The following SMCHD1 variants were observed in gnomAD, a reference collection of about 807,000 sequenced individuals.
SMCHD1 encodes the protein structural maintenance of chromosomes flexible hinge domain-containing protein 1.
SMCHD1 carries 78 observed loss-of-function variants against 254.7 expected under a neutral mutation model. The observed-to-expected ratio is 0.31, with a 90% CI of 0.26 to 0.37. The LOEUF (loss-of-function observed/expected upper bound fraction) is 0.37, where lower values mean the gene tolerates loss of function less well. SMCHD1 is among the 10% of genes least tolerant of loss of function. SMCHD1 has a pLI of 1.00. For missense variants in SMCHD1, 1,840 were observed against 2,408.1 expected, an observed-to-expected ratio of 0.76 and a Z score of 4.94; for synonymous variants, 766 against 794.9, an observed-to-expected ratio of 0.96 and a Z score of 0.61.
chr18:2,708,915 T>TATATATATATATAC (rs1568199419), intron 17 of SMCHD1, among the ~76,000 whole-genome samples: 2 of 90,454 alleles, frequency 2.2e-5, no homozygotes, highest in African/African-American at 4.2e-5. Flanking sequence ...TATAACATAT[T>TATATATATATATAC]AACATGAAAT....
Position 2,743,938 on chromosome 18 carries a change from T to C in SMCHD1, c.3801+10T>C. 1 of 1,580,304 alleles carries C rather than the reference T, an allele frequency of 6.3e-7. No individual in the cohort carries two copies. The highest frequency in any genetic ancestry group is 2.2e-5 in the East Asian group (1 of 44,474). On this transcript the variant is annotated intron_variant, in intron 29 of 47. Coordinates refer to ENST00000320876, the MANE Select transcript of SMCHD1 (RefSeq NM_015295.3). ...GCCAGAACTAAAGGAGGTAAGTCAC[T>C]TCATGTCTTCACTGAAAGAATTTAA...
Position 2,784,928 on chromosome 18 carries a change from G to A in SMCHD1, c.5719+307G>A, listed in dbSNP as rs72866583. Reference sequence around the variant, plus strand: ...GGAGTTTGAGGTCAGCCTGGGCAACGTAGCAAGACTCCATCTCTTAAAAAA... The same window carrying A: ...GGAGTTTGAGGTCAGCCTGGGCAACATAGCAAGACTCCATCTCTTAAAAAA... On this transcript the variant is annotated intron_variant, in intron 45 of 47. Coordinates refer to ENST00000320876, the MANE Select transcript of SMCHD1 (RefSeq NM_015295.3). The A allele has an allele frequency of 0.21, 90,787 of 423,026 alleles. 10,536 individuals carry two copies. The highest frequency in any genetic ancestry group is 0.29 in the Admixed American group (8,601 of 29,866). The allele number at this position is 423,026 out of a possible 1,614,324, so 26.2% of individuals were successfully genotyped here.
At chr18:2,786,586 C>T (rs1057391484) in intron 45 of SMCHD1, among the ~76,000 whole-genome samples, 1 of 152,046 alleles carries the variant, frequency 6.6e-6, no homozygotes, top group East Asian at 2.0e-4. Flanking sequence ...CAGCTACTCA[C>T]GAAGCTCAGG....
chr18:2,778,338 C>A, intron 44 of SMCHD1, 99 bp downstream of exon 44: 1 of 794,238 alleles, frequency 1.3e-6, no homozygotes, highest in Non-Finnish European at 1.9e-6. Context: ...TTTTCAAAAC[C>A]AATTTAAATT....
chr18:2,737,204 G>A (rs909228003), intron 25 of SMCHD1, among the ~76,000 whole-genome samples: 5 of 152,060 alleles, frequency 3.3e-5, no homozygotes, highest in African/African-American at 1.2e-4. Flanking sequence ...TATAGGAAAA[G>A]TAGTCACTGG....
intron 7 of SMCHD1, among the ~76,000 whole-genome samples, chr18:2,691,310 C>T (rs1238195644): frequency 6.6e-6 from 1 of 152,116 alleles, no homozygotes; most frequent in African/African-American, 2.4e-5. Context: ...ATTTTTCTGC[C>T]AGCCTTTTCT....
At chr18:2,784,749 A>G (rs771602589) in intron 45 of SMCHD1, 128 bp downstream of exon 45, 63 of 1,097,272 alleles carry the variant, frequency 5.7e-5, no homozygotes, top group Non-Finnish European at 8.1e-5. Context: ...TGTAAGTAAG[A>G]TGTTTTTGTC....
chr18:2,774,218 A>T (rs2076029725), intron 41 of SMCHD1, among the ~76,000 whole-genome samples: 1 of 152,274 alleles, frequency 6.6e-6, no homozygotes, highest in East Asian at 1.9e-4. Flanking sequence ...TTTACAAAAC[A>T]CATCTAAATG....
At chr18:2,787,258 C>T (rs1598447615) in intron 45 of SMCHD1, among the ~76,000 whole-genome samples, 1 of 152,166 alleles carries the variant, frequency 6.6e-6, no homozygotes, top group South Asian at 2.1e-4. Context: ...AATTCACTCA[C>T]TCCCAAGGGA....
At chr18:2,690,847 C>T (rs1481943202) in intron 7 of SMCHD1, among the ~76,000 whole-genome samples, 2 of 151,526 alleles carry the variant, frequency 1.3e-5, no homozygotes, top group Non-Finnish European at 2.9e-5. Flanking sequence ...AAAGGTTAAA[C>T]CCAAAGTCAC....
At chr18:2,678,476 C>A (rs2073826725) in intron 5 of SMCHD1, among the ~76,000 whole-genome samples, 1 of 151,920 alleles carries the variant, frequency 6.6e-6, no homozygotes, top group African/African-American at 2.4e-5. Flanking sequence ...GCCACTACTC[C>A]CGGCTTATTT....
intron 1 of SMCHD1, among the ~76,000 whole-genome samples, chr18:2,662,152 C>T (rs1280727080): frequency 1.7e-5 from 2 of 120,662 alleles, no homozygotes; most frequent in Non-Finnish European, 3.3e-5. Context: ...GGCGACAGAG[C>T]GAGACTCCGT....
chr18:2,701,610 G>T (rs1273030318), intron 12 of SMCHD1, among the ~76,000 whole-genome samples: 1 of 152,126 alleles, frequency 6.6e-6, no homozygotes, highest in Non-Finnish European at 1.5e-5. Context: ...GGGTAAAAAT[G>T]GGGTAAAACT....
chr18:2,756,154 TGTG>T (rs2075674037), intron 34 of SMCHD1, among the ~76,000 whole-genome samples: 2 of 152,254 alleles, frequency 1.3e-5, no homozygotes, highest in African/African-American at 2.4e-5. Context: ...TACTTTTTAA[TGTG>T]GTAATTATAG....
At chr18:2,700,945 A>T (rs1406765140) in intron 12 of SMCHD1, 27 bp downstream of exon 12, 1 of 1,443,650 alleles carries the variant, frequency 6.9e-7, no homozygotes, top group African/African-American at 1.4e-5. Flanking sequence ...TAAAGTTGTG[A>T]ATATTTGCAA....
intron 1 of SMCHD1, among the ~76,000 whole-genome samples, chr18:2,657,557 A>G (rs2073108909): frequency 6.6e-6 from 1 of 152,254 alleles, no homozygotes. Flanking sequence ...GGGGGAAACA[A>G]GTAAATCTTT....
chr18:2,706,693 A>C lies in SMCHD1; in HGVS notation c.2063+223A>C, dbSNP rs967787240. On this transcript the variant is annotated intron_variant, in intron 15 of 47. Transcript: ENST00000320876. ...CAAAGAAGGAAATCTTATATATCTA[A>C]AGTGTCACTTTTATAGGCACTATGA... The C allele has an allele frequency of 1.8e-5, 7 of 391,670 alleles. 1 individual carries two copies. The highest frequency in any genetic ancestry group is 1.2e-4 in the African/African-American group (6 of 48,430). 24.3% of individuals were successfully genotyped at this position (391,670 alleles called of 1,614,324 possible). A position where few individuals can be genotyped will look rare whatever the true frequency, so the allele number is the denominator to read the frequency against.
At chr18:2,721,798 A>G (rs889181748) in intron 19 of SMCHD1, among the ~76,000 whole-genome samples, 1 of 152,214 alleles carries the variant, frequency 6.6e-6, no homozygotes. Context: ...TTGTATGCCA[A>G]TGCTTGTTCA....
At chr18:2,725,029 T>A (rs750950604) in intron 21 of SMCHD1, 34 bp downstream of exon 21, 2 of 1,203,700 alleles carry the variant, frequency 1.7e-6, no homozygotes, top group Non-Finnish European at 2.3e-6. Context: ...TGATACTTGT[T>A]AAGTATTTAT....
Sources: allele counts gnomAD v4.1 joint callset (sites outside exome capture counted in the v4.1 genomes callset), GRCh38; gene constraint gnomAD v4.1.1; transcripts MANE v1.5; gene names NCBI Gene and HGNC (gene_info 2026-07-23, HGNC 2026-07-21).